Variants in GAB2 observed in about 807,000 individuals in gnomAD.
GAB2 encodes the protein GRB2-associated-binding protein 2.
Under a neutral mutation model 65.5 loss-of-function variants are expected in GAB2, and 26 were observed. The ratio of observed to expected loss-of-function variants is 0.40; its 90% CI spans 0.29 to 0.55. The LOEUF (loss-of-function observed/expected upper bound fraction) is 0.55. GAB2 is among the 20% of genes least tolerant of loss of function. GAB2 has a pLI of 0.53. For missense variants in GAB2, 884 were observed against 875.8 expected (o/e 1.01, Z -0.12); for synonymous variants, 321 against 329.6 (o/e 0.97, Z 0.28).
At chr11:78,277,041 TCTC>T (rs1565138359) in intron 2 of GAB2, among the ~76,000 whole-genome samples, 2 of 152,092 alleles carry the variant, frequency 1.3e-5, no homozygotes, top group African/African-American at 4.8e-5. Flanking sequence ...ATGGTGTCGA[TCTC>T]CTAACCTTGT....
chr11:78,226,158 C>A (rs7106514), intron 4 of GAB2, among the ~76,000 whole-genome samples: 186 of 152,270 alleles, frequency 1.2e-3, no homozygotes, highest in African/African-American at 4.3e-3. Flanking sequence ...GAATAAAATA[C>A]AATGATTTGG....
chr11:78,357,538 A>C (rs1856375554), intron 1 of GAB2, among the ~76,000 whole-genome samples: 1 of 152,222 alleles, frequency 6.6e-6, no homozygotes, highest in South Asian at 2.1e-4. Flanking sequence ...TAATATCCAG[A>C]ATCTACAAAG....
At chr11:78,382,344 C>A (rs1176205265) in intron 1 of GAB2, among the ~76,000 whole-genome samples, 5 of 151,868 alleles carry the variant, frequency 3.3e-5, no homozygotes, top group African/African-American at 9.7e-5. Context: ...ATTCCTTGGC[C>A]CCCCCTTCTG....
chr11:78,301,589 TC>T (rs1867021529), intron 1 of GAB2, among the ~76,000 whole-genome samples: 2 of 152,226 alleles, frequency 1.3e-5, no homozygotes, highest in African/African-American at 4.8e-5. Context: ...CACCTTGGCC[TC>T]TCAAAGTGTT....
chr11:78,388,816 AAGAG>A (rs890556461), intron 1 of GAB2, among the ~76,000 whole-genome samples: 8 of 152,214 alleles, frequency 5.3e-5, no homozygotes, highest in African/African-American at 9.7e-5. Flanking sequence ...TTTTGTTAAA[AAGAG>A]AGAGAAAGAG....
intron 1 of GAB2, among the ~76,000 whole-genome samples, chr11:78,343,871 A>G (rs1217630570): frequency 6.6e-6 from 1 of 152,166 alleles, no homozygotes; most frequent in Non-Finnish European, 1.5e-5. Flanking sequence ...TCTAGTGTGT[A>G]TTTGATACTT....
chr11:78,355,003 A>T (rs141421035), intron 1 of GAB2, among the ~76,000 whole-genome samples: 3 of 152,362 alleles, frequency 2.0e-5, no homozygotes, highest in African/African-American at 4.8e-5. Context: ...TTAACTCTCT[A>T]GGTTCTGGCT....
chr11:78,292,970 G>A (rs1866720340), intron 1 of GAB2, among the ~76,000 whole-genome samples: 1 of 152,140 alleles, frequency 6.6e-6, no homozygotes, highest in South Asian at 2.1e-4. Flanking sequence ...CTTATTCTGT[G>A]GGTCCAGACC....
intron 1 of GAB2, among the ~76,000 whole-genome samples, chr11:78,309,971 T>TGTGTGTGTGTGTGTGTGCGCGC (rs1421836447): frequency 3.1e-4 from 37 of 120,174 alleles, no homozygotes; most frequent in African/African-American, 1.2e-3. Context: ...TGTGTGTGTG[T>TGTGTGTGTGTGTGTGTGCGCGC]GCGCGCGCGC....
At position 78,280,709 on chromosome 11, in the gene GAB2, T is replaced by C. The variant is rs1866311984; in HGVS notation, c.268A>G (p.Thr90Ala). Residue 90 changes from threonine (T) to alanine (A), a missense_variant, in exon 2 of 10, where the codon ACC becomes GCC. Physicochemically the swap from Thr to Ala is moderately conservative, Grantham distance 58. Coordinates refer to ENST00000361507, the MANE Select transcript of GAB2 (RefSeq NM_080491.3). The part of the protein sequence containing the change: ...LQDSFVFDIK[T>A]SERTFYLVAE... ...ACCAGGTAAAAGGTGCGTTCACTGGTCTTGATGTCAAACACAAAACTATCC... is the reference window on the plus strand; with the variant it reads ...ACCAGGTAAAAGGTGCGTTCACTGGCCTTGATGTCAAACACAAAACTATCC... The C allele has an allele frequency of 6.2e-7, 1 of 1,614,106 alleles. No individual in the cohort carries two copies. Among genetic ancestry groups the C allele is most frequent in the Non-Finnish European group, 8.5e-7 (1 of 1,179,982 alleles).
chr11:78,227,981 T>A lies in GAB2; in HGVS notation c.621-930A>T, dbSNP rs150646090. Among the ~76,000 whole-genome samples, 661 of 152,230 alleles carry A rather than the reference T, an allele frequency of 4.3e-3. 2 individuals are homozygous for A. The highest frequency in any genetic ancestry group is 0.015 in the African/African-American group (625 of 41,526). The stretch of plus-strand genomic sequence containing the variant: ...TTTGGGAACTATATATAGAAAAAGT[T>A]TTGATTAGTACATTTTTAAATTTAG... On this transcript the variant is annotated intron_variant, in intron 3 of 9. Transcript: ENST00000361507.
At chr11:78,222,353 C>T (rs1864469851) in intron 6 of GAB2, among the ~76,000 whole-genome samples, 158 bp from the exon 7 acceptor site, 1 of 151,946 alleles carries the variant, frequency 6.6e-6, no homozygotes, top group Non-Finnish European at 1.5e-5. Flanking sequence ...TAATCTTTGC[C>T]CATATTGATG....
At chr11:78,412,475 A>C (rs1306133849) in intron 1 of GAB2, among the ~76,000 whole-genome samples, 1 of 152,244 alleles carries the variant, frequency 6.6e-6, no homozygotes, top group African/African-American at 2.4e-5. Context: ...ACAGATTAGT[A>C]GTTGTCACAG....
At chr11:78,354,827 T>C (rs1003396674) in intron 1 of GAB2, among the ~76,000 whole-genome samples, 7 of 152,192 alleles carry the variant, frequency 4.6e-5, no homozygotes, top group African/African-American at 1.7e-4. Context: ...CTGGGGCTAG[T>C]CTTTTCCTTA....
intron 6 of GAB2, 110 bp downstream of exon 6, chr11:78,223,302 A>G (rs1864516156): frequency 1.2e-6 from 1 of 836,586 alleles, no homozygotes; most frequent in African/African-American, 1.7e-5. Flanking sequence ...ATTTTACATG[A>G]TTTGCCCCAA....
At chr11:78,278,394 G>GT (rs1049072032) in intron 2 of GAB2, among the ~76,000 whole-genome samples, 1 of 149,932 alleles carries the variant, frequency 6.7e-6, no homozygotes, top group African/African-American at 2.5e-5. Flanking sequence ...TTTTTTGTTT[G>GT]TTTTTTGAGA....
At chr11:78,329,164 A>G (rs971361701) in intron 1 of GAB2, among the ~76,000 whole-genome samples, 1 of 152,192 alleles carries the variant, frequency 6.6e-6, no homozygotes, top group Admixed American at 6.5e-5. Context: ...AAATTCTTTC[A>G]ATCTTGCTTT....
chr11:78,229,119 G>A (rs969640991), intron 3 of GAB2, among the ~76,000 whole-genome samples: 2 of 152,156 alleles, frequency 1.3e-5, no homozygotes, highest in African/African-American at 4.8e-5. Context: ...TGTAGCTGCT[G>A]ACAGTTGGTA....
At chr11:78,278,725 GTT>G (rs60501874) in intron 2 of GAB2, among the ~76,000 whole-genome samples, 2 of 140,124 alleles carry the variant, frequency 1.4e-5, no homozygotes. Flanking sequence ...CAACATTTTT[GTT>G]TTTTTTTTTA....
Sources: allele counts gnomAD v4.1 joint callset (sites outside exome capture counted in the v4.1 genomes callset), GRCh38; gene constraint gnomAD v4.1.1; transcripts MANE v1.5; gene names NCBI Gene and HGNC (gene_info 2026-07-23, HGNC 2026-07-21).